Variants in SH3KBP1 observed in about 807,000 individuals in gnomAD.
SH3KBP1 encodes SH3 domain containing kinase binding protein 1.
SH3KBP1 carries 8 observed loss-of-function variants against 50.1 expected under a neutral mutation model. That is an observed-to-expected ratio of 0.16 (90% CI 0.09 to 0.29). The LOEUF (loss-of-function observed/expected upper bound fraction) is 0.29. Among genes scored for constraint, SH3KBP1 ranks in the 10% least tolerant of loss-of-function variants. The pLI is 1.00. For synonymous variants in SH3KBP1, 227 were observed against 218.6 expected, an observed-to-expected ratio of 1.04 and a Z score of -0.34; for missense variants, 377 against 535.2, an observed-to-expected ratio of 0.70 and a Z score of 2.92.
chrX:19,554,565 C>T (rs2065430407), intron 13 of SH3KBP1, among the ~76,000 whole-genome samples: 1 of 107,921 alleles, frequency 9.3e-6, no homozygotes, highest in Admixed American at 1.0e-4. Context: ...CCACACCTGG[C>T]TAATTTTTGT....
intron 1 of SH3KBP1, among the ~76,000 whole-genome samples, chrX:19,866,238 A>T (rs1256031826): frequency 9.0e-6 from 1 of 111,579 alleles, no homozygotes; most frequent in Non-Finnish European, 1.9e-5. Flanking sequence ...AAAGCTGACC[A>T]CAACTAAGGA....
At chrX:19,868,551 T>C (rs1443298052) in intron 1 of SH3KBP1, among the ~76,000 whole-genome samples, 2 of 107,848 alleles carry the variant, frequency 1.9e-5, no homozygotes, top group African/African-American at 6.7e-5. Flanking sequence ...AAACTGATCA[T>C]TCTCTCTAGT....
At chrX:19,829,507 G>C (rs1179900343) in intron 2 of SH3KBP1, among the ~76,000 whole-genome samples, 3 of 109,212 alleles carry the variant, frequency 2.7e-5, no homozygotes, top group Non-Finnish European at 5.7e-5. Flanking sequence ...CCAGCAATTT[G>C]GGAGGCCGAG....
chrX:19,756,328 T>C (rs184882894), intron 2 of SH3KBP1, among the ~76,000 whole-genome samples: 115 of 111,483 alleles, frequency 1.0e-3, no homozygotes, highest in African/African-American at 3.7e-3. Context: ...TTTCACAGCA[T>C]GTGACGTAGT....
chrX:19,808,614 G>C (rs2067120493), intron 2 of SH3KBP1, among the ~76,000 whole-genome samples: 1 of 111,229 alleles, frequency 9.0e-6, no homozygotes, highest in African/African-American at 3.3e-5. Context: ...CACAACTGCT[G>C]CCCTCAAGAC....
chrX:19,758,557 C>T (rs1247226590), intron 2 of SH3KBP1, among the ~76,000 whole-genome samples: 1 of 110,724 alleles, frequency 9.0e-6, no homozygotes, highest in Non-Finnish European at 1.9e-5. Context: ...CAAATTGAGT[C>T]CCCTGAGGGA....
At chrX:19,827,378 G>T (rs192229791) in intron 2 of SH3KBP1, among the ~76,000 whole-genome samples, 29 of 111,827 alleles carry the variant, frequency 2.6e-4, no homozygotes, top group African/African-American at 8.1e-4. Context: ...ATAGCTTCCT[G>T]CCTTCCACAT....
intron 6 of SH3KBP1, among the ~76,000 whole-genome samples, chrX:19,650,887 A>G (rs2062106942): frequency 9.0e-6 from 1 of 111,591 alleles, no homozygotes; most frequent in Non-Finnish European, 1.9e-5. Flanking sequence ...GTTATCCTGA[A>G]TCCTGCTCAT....
At chrX:19,566,604 G>T (rs558137218) in intron 13 of SH3KBP1, among the ~76,000 whole-genome samples, 1 of 111,433 alleles carries the variant, frequency 9.0e-6, no homozygotes, top group Middle Eastern at 4.7e-3. Flanking sequence ...TGGTAGAACC[G>T]GAACTTAGGC....
chrX:19,819,541 T>G (rs1002760712), intron 2 of SH3KBP1, among the ~76,000 whole-genome samples: 3 of 110,455 alleles, frequency 2.7e-5, no homozygotes, highest in Non-Finnish European at 5.7e-5. Context: ...GGCGAGATAG[T>G]GTCTTGCTAT....
intron 1 of SH3KBP1, among the ~76,000 whole-genome samples, chrX:19,858,800 T>C (rs2068716376): frequency 8.9e-6 from 1 of 112,077 alleles, no homozygotes; most frequent in Non-Finnish European, 1.9e-5. Context: ...AGGAAAAATA[T>C]AGCTAGAAGG....
chrX:19,850,157 A>G (rs1423860380), intron 1 of SH3KBP1, among the ~76,000 whole-genome samples: 1 of 111,675 alleles, frequency 9.0e-6, no homozygotes, highest in Non-Finnish European at 1.9e-5. Context: ...CAATATTTGA[A>G]TTTGTTATAA....
intron 2 of SH3KBP1, among the ~76,000 whole-genome samples, chrX:19,819,480 T>C (rs1054522232): frequency 1.8e-5 from 2 of 110,907 alleles, no homozygotes; most frequent in African/African-American, 6.6e-5. Flanking sequence ...ACCACAGGCA[T>C]GCACCACCAC....
At chrX:19,784,698 C>T (rs927807558) in intron 2 of SH3KBP1, among the ~76,000 whole-genome samples, 3 of 111,303 alleles carry the variant, frequency 2.7e-5, no homozygotes, top group African/African-American at 9.8e-5. Flanking sequence ...CAACCTCTAC[C>T]TCCTGGGTTC....
intron 2 of SH3KBP1, among the ~76,000 whole-genome samples, chrX:19,765,460 G>A (rs1256533433): frequency 1.8e-5 from 2 of 110,967 alleles, no homozygotes; most frequent in East Asian, 2.8e-4. Context: ...GAGGCCAGCA[G>A]TATAGCATCT....
chrX:19,774,401 G>C (rs1040206489), intron 2 of SH3KBP1, among the ~76,000 whole-genome samples: 1 of 111,014 alleles, frequency 9.0e-6, no homozygotes, highest in African/African-American at 3.3e-5. Flanking sequence ...GCCGGGCGCG[G>C]TGGCTCACAC....
At chrX:19,668,935 AATATATATATATATATAT>A (rs56844238) in intron 6 of SH3KBP1, among the ~76,000 whole-genome samples, 7,427 of 32,823 alleles carry the variant, frequency 0.23, 1,271 homozygotes, top group African/African-American at 0.57. Context: ...GATTGAGGGT[AATATATATATATATATAT>A]ATATATATAT....
At chrX:19,634,801 A>T (rs1023544885) in intron 7 of SH3KBP1, among the ~76,000 whole-genome samples, 5 of 111,888 alleles carry the variant, frequency 4.5e-5, no homozygotes, top group African/African-American at 1.6e-4. Flanking sequence ...AGGAGGGGAG[A>T]GAGGAGAGTC....
intron 2 of SH3KBP1, among the ~76,000 whole-genome samples, chrX:19,791,041 C>T (rs2066513582): frequency 1.8e-5 from 2 of 111,386 alleles, no homozygotes; most frequent in African/African-American, 6.5e-5. Flanking sequence ...AGTAAATACA[C>T]ATCCCCCTGA....
Sources: allele counts gnomAD v4.1 joint callset (sites outside exome capture counted in the v4.1 genomes callset), GRCh38; gene constraint gnomAD v4.1.1; transcripts MANE v1.5; gene names NCBI Gene and HGNC (gene_info 2026-07-23, HGNC 2026-07-21).